Variants in DIDO1 observed in about 807,000 individuals in gnomAD.
The protein encoded by DIDO1 is death-inducer obliterator 1.
A neutral mutation model predicts 99.4 loss-of-function variants in DIDO1; 16 were observed. That is an observed-to-expected ratio of 0.16 (90% confidence interval 0.11 to 0.24). The LOEUF is 0.24. Ranked by LOEUF, DIDO1 falls within the 10% of genes least tolerant of loss-of-function variation. DIDO1 has a pLI of 1.00. For missense variants in DIDO1, 2,996 were observed against 3,014.0 expected, an observed-to-expected ratio of 0.99 and a Z score of 0.14; for synonymous variants, 1,366 against 1,239.1, an observed-to-expected ratio of 1.10 and a Z score of -2.15.
chr20:62,902,684 C>G (rs1489445464), intron 6 of DIDO1, among the ~76,000 whole-genome samples: 1 of 152,232 alleles, frequency 6.6e-6, no homozygotes, highest in African/African-American at 2.4e-5. Context: ...TTTCACCCCA[C>G]CAGGGCCATC....
rs2064143788 is a variant in DIDO1 at position 62,878,632 on chromosome 20, G to T, written c.*601C>A. 1.3e-5 allele frequency: 2 copies of T among 152,144 alleles called. No individual in the cohort carries two copies. The highest frequency in any genetic ancestry group is 4.1e-4 in the South Asian group (2 of 4,828). The allele number at this position is 152,144 out of a possible 1,614,324, so 9.4% of individuals were successfully genotyped here. On this transcript the variant is annotated 3_prime_UTR_variant, in exon 16 of 16. Coordinates refer to ENST00000395343, the MANE Select transcript of DIDO1 (RefSeq NM_001193369.2). ...AGATGTTGCTTTAAATCATGTTTTG[G>T]AAAAAATTGATAAGGTGATATATAA...
intron 15 of DIDO1, chr20:62,889,912 G>A: frequency 1.0e-6 from 1 of 985,486 alleles, no homozygotes; most frequent in Non-Finnish European, 1.2e-6. Flanking sequence ...CACAGGCATA[G>A]GCTGAGCCCA....
rs1398057626 is a variant in DIDO1 at position 62,879,026 on chromosome 20, G to A, written c.*207C>T. The A allele has an allele frequency of 4.3e-6, 2 of 469,468 alleles. No individual in the cohort carries two copies. The highest frequency in any genetic ancestry group is 7.2e-6 in the Non-Finnish European group (2 of 278,260). 29.1% of individuals were successfully genotyped at this position (469,468 alleles called of 1,614,324 possible). A position where few individuals can be genotyped will look rare whatever the true frequency, so the allele number is the denominator to read the frequency against. On this transcript the variant is annotated 3_prime_UTR_variant, in exon 16 of 16. Coordinates refer to ENST00000395343, the MANE Select transcript of DIDO1 (RefSeq NM_001193369.2). The surrounding 1 kb of genome is among the most constrained non-coding windows in gnomAD (Gnocchi z 6.3). ...TTTCCCATTTCTTTTAATTTTAAAT[G>A]GAAATATTAAAGTTTAGTTTTTTTA...
intron 13 of DIDO1, 90 bp from the exon 14 acceptor site, chr20:62,892,166 G>T: frequency 9.8e-7 from 1 of 1,020,822 alleles, no homozygotes; most frequent in Non-Finnish European, 1.4e-6. Context: ...CACTACCCAA[G>T]ATTCAAGAAG....
At chr20:62,917,310 T>C (rs1318952736) in intron 1 of DIDO1, among the ~76,000 whole-genome samples, 1 of 152,170 alleles carries the variant, frequency 6.6e-6, no homozygotes. Flanking sequence ...GGATTACAAG[T>C]GTGAGTCACC....
chr20:62,902,785 C>T (rs898623212), intron 6 of DIDO1, among the ~76,000 whole-genome samples: 2 of 152,210 alleles, frequency 1.3e-5, no homozygotes, highest in Admixed American at 6.5e-5. Context: ...AAACTGGCAA[C>T]GTTTTCCATT....
chr20:62,885,040 C>G (rs2064275587), intron 15 of DIDO1, among the ~76,000 whole-genome samples: 1 of 152,262 alleles, frequency 6.6e-6, no homozygotes, highest in South Asian at 2.1e-4. Context: ...TATTACACAG[C>G]TTACTCAAAT....
chr20:62,917,508 T>C (rs1289833543), intron 1 of DIDO1, among the ~76,000 whole-genome samples: 1 of 152,202 alleles, frequency 6.6e-6, no homozygotes, highest in African/African-American at 2.4e-5. Flanking sequence ...ACAAAACGCC[T>C]GCCACATGCT....
intron 5 of DIDO1, among the ~76,000 whole-genome samples, chr20:62,906,918 A>G (rs1235171640): frequency 3.9e-5 from 6 of 152,170 alleles, no homozygotes; most frequent in African/African-American, 1.4e-4. Context: ...CCCCCCGTAC[A>G]CTGCCATTGT....
chr20:62,922,241 T>C (rs560215725), intron 1 of DIDO1, among the ~76,000 whole-genome samples: 20 of 146,266 alleles, frequency 1.4e-4, no homozygotes, highest in Admixed American at 5.4e-4. Flanking sequence ...CATATATATA[T>C]ATACACACAC....
intron 6 of DIDO1, among the ~76,000 whole-genome samples, chr20:62,904,314 T>C (rs1378484800): frequency 6.6e-6 from 1 of 152,162 alleles, no homozygotes; most frequent in East Asian, 1.9e-4. Context: ...TTTGAGACAT[T>C]TGCTAGCATA....
At position 62,879,915 on chromosome 20, in the gene DIDO1, T is replaced by C. The variant is rs772885972; in HGVS notation, c.6041A>G (p.Gln2014Arg). 2 of 1,592,178 alleles carry C rather than the reference T, an allele frequency of 1.3e-6. No individual in the cohort carries two copies. Among genetic ancestry groups the C allele is most frequent in the Non-Finnish European group, 1.7e-6 (2 of 1,171,420 alleles). ...GCCCGGCTTCATCACCTGCGGGGCC[T>C]GGCCCTGGAAGTGAAATCGCGAAGG... ...QTPSRFHFQG[Q>R]APQVMKPGPR... Residue 2014 changes from glutamine (Q) to arginine (R), a missense_variant, in exon 16 of 16, where the codon CAG becomes CGG. Gln to Arg is a conservative substitution (Grantham distance 43). Around this residue, in one of 5 missense-constraint regions of DIDO1, gnomAD observed 1,562 missense variants for 1,412.6 expected, o/e 1.11. Transcript: ENST00000395343. This position sits in a 1 kb window ranked among gnomAD's most constrained non-coding sequence, Gnocchi z 6.3.
intron 1 of DIDO1, among the ~76,000 whole-genome samples, chr20:62,917,100 C>T (rs1347649993): frequency 1.3e-5 from 2 of 152,132 alleles, no homozygotes; most frequent in African/African-American, 4.8e-5. Flanking sequence ...CTCAGCACCT[C>T]CCCCACCCAC....
At chr20:62,930,574 A>C (rs1428582501), upstream of DIDO1, among the ~76,000 whole-genome samples, 1 of 152,266 alleles carries the variant, frequency 6.6e-6, no homozygotes, top group African/African-American at 2.4e-5. Context: ...TGTCTTTTAG[A>C]CAAAAGAATA....
intron 1 of DIDO1, among the ~76,000 whole-genome samples, chr20:62,925,735 G>GC (rs1349639895): frequency 1.3e-5 from 2 of 152,216 alleles, no homozygotes; most frequent in African/African-American, 2.4e-5. Flanking sequence ...CCCGCCGAGC[G>GC]CAAGAGCGGG....
chr20:62,904,069 A>C (rs1377088507), intron 6 of DIDO1, among the ~76,000 whole-genome samples: 1 of 152,202 alleles, frequency 6.6e-6, no homozygotes, highest in Non-Finnish European at 1.5e-5. Flanking sequence ...GCAGCTTTTC[A>C]ATTTTGGTTG....
rs2064459334 is a variant in DIDO1, at chr20:62,894,036, C to T, written c.2731G>A (p.Ala911Thr). The part of the protein sequence containing the change: ...EVMPEAVPEV[A>T]SEPGLESASH... ...GCACTTTCTAGGCCTGGCTCAGAGG[C>T]AACTTCAGGCACAGCCTCCGGCATC... Residue 911 changes from alanine (A) to threonine (T), a missense_variant, in exon 12 of 16, where the codon GCC becomes ACC. Physicochemically the swap from Ala to Thr is moderately conservative, Grantham distance 58 (BLOSUM62 0). Transcript: ENST00000395343. This position sits in a 1 kb window ranked among gnomAD's most constrained non-coding sequence, Gnocchi z 4.4. The T allele has an allele frequency of 6.2e-7, 1 of 1,614,226 alleles. No individual in the cohort carries two copies. Among genetic ancestry groups the T allele is most frequent in the Admixed American group, 1.7e-5 (1 of 60,020 alleles).
intron 13 of DIDO1, among the ~76,000 whole-genome samples, chr20:62,892,331 C>G (rs1283065028): frequency 6.6e-6 from 1 of 152,194 alleles, no homozygotes; most frequent in Non-Finnish European, 1.5e-5. Context: ...GCTGTCTTTA[C>G]GTACATACAC....
At chr20:62,932,755 CCAAA>C (rs765036861) in intron 1 of DIDO1, among the ~76,000 whole-genome samples, 9 of 152,080 alleles carry the variant, frequency 5.9e-5, no homozygotes, top group Non-Finnish European at 4.4e-5. Context: ...TTGCTCTCAC[CCAAA>C]CAAACTTACA....
Sources: allele counts gnomAD v4.1 joint callset (sites outside exome capture counted in the v4.1 genomes callset), GRCh38; gene constraint gnomAD v4.1.1; regional missense constraint gnomAD v4.1.1; non-coding constraint Gnocchi (gnomAD v3.1); transcripts MANE v1.5; gene names NCBI Gene and HGNC (gene_info 2026-07-23, HGNC 2026-07-21).